The following TPD52 variants were observed in gnomAD, a reference collection of about 807,000 sequenced individuals.
TPD52 encodes the protein tumor protein D52.
Under a neutral mutation model 31.3 loss-of-function variants are expected in TPD52, and 17 were observed. That is an observed-to-expected ratio of 0.54 (90% CI 0.37 to 0.82). TPD52 has a LOEUF of 0.82. TPD52 is among the 40% of genes least tolerant of loss of function. The probability of loss-of-function intolerance (pLI) is 0.00; values close to 1 mark genes in which losing one functional copy is unlikely to be tolerated. For synonymous variants in TPD52, 83 were observed against 89.6 expected, an observed-to-expected ratio of 0.93 and a Z score of 0.42; for missense variants, 212 against 240.1, an observed-to-expected ratio of 0.88 and a Z score of 0.77.
chr8:80,057,693 G>A (rs1193403607), intron 2 of TPD52, among the ~76,000 whole-genome samples: 1 of 152,148 alleles, frequency 6.6e-6, no homozygotes, highest in Non-Finnish European at 1.5e-5. Context: ...TTGGGGGAAA[G>A]AGCTGAAAAA....
At chr8:80,115,665 G>A (rs941900980) in intron 1 of TPD52, among the ~76,000 whole-genome samples, 2 of 152,152 alleles carry the variant, frequency 1.3e-5, no homozygotes, top group Non-Finnish European at 2.9e-5. Flanking sequence ...AAACTTAACT[G>A]TGTGGCTAGT....
chr8:80,089,004 C>G (rs1326138514), intron 1 of TPD52, among the ~76,000 whole-genome samples: 1 of 152,160 alleles, frequency 6.6e-6, no homozygotes, highest in Admixed American at 6.5e-5. Context: ...AGCTCTCTGT[C>G]AACCAGGAAG....
In TPD52 at chr8:80,063,393, G is replaced by A. The variant is rs80052378; in HGVS notation, c.135+1085C>T. Among the ~76,000 whole-genome samples the A allele has an allele frequency of 3.9e-4, 60 of 152,352 alleles. No individual in the cohort carries two copies. In the East Asian group the frequency reaches 0.011, roughly 27 times the overall value. ...AAATTAGGTATTGCCAGGGGCTGAA[G>A]GAGGGGAGTAGTCAGGATTGAATGC... On this transcript the variant is annotated intron_variant, in intron 2 of 7. Transcript: ENST00000518937.
chr8:80,042,120 T>G (rs566109434), intron 7 of TPD52: 1 of 924,462 alleles, frequency 1.1e-6, no homozygotes, highest in South Asian at 5.0e-5. Flanking sequence ...CAAGCAGCCA[T>G]TGCACATAAT....
At chr8:80,116,088 C>A (rs372576727) in intron 1 of TPD52, among the ~76,000 whole-genome samples, 7 of 152,160 alleles carry the variant, frequency 4.6e-5, no homozygotes, top group African/African-American at 1.4e-4. Flanking sequence ...ATCCCTTTGA[C>A]CTAACAAATC....
At chr8:80,124,251 G>A (rs1808454097) in intron 1 of TPD52, among the ~76,000 whole-genome samples, 1 of 151,306 alleles carries the variant, frequency 6.6e-6, no homozygotes, top group Non-Finnish European at 1.5e-5. Context: ...CTGCAATCTC[G>A]ACCTCCCGGG....
At chr8:80,170,113 G>A (rs543211932) in intron 1 of TPD52, among the ~76,000 whole-genome samples, 1 of 152,252 alleles carries the variant, frequency 6.6e-6, no homozygotes, top group Admixed American at 6.5e-5. Flanking sequence ...TATCTTACAA[G>A]TAAATGAAAG....
At chr8:80,053,729 A>G (rs2130557767) in intron 2 of TPD52, among the ~76,000 whole-genome samples, 1 of 152,088 alleles carries the variant, frequency 6.6e-6, no homozygotes, top group South Asian at 2.1e-4. Context: ...TAGGACTCAA[A>G]TTTCTACACA....
At chr8:80,164,812 G>A (rs535584536) in intron 1 of TPD52, among the ~76,000 whole-genome samples, 17 of 150,020 alleles carry the variant, frequency 1.1e-4, no homozygotes, top group African/African-American at 3.0e-4. Context: ...GAGCCTGGGA[G>A]GCAGAGGTTG....
chr8:80,163,506 A>C (rs1811497771), intron 1 of TPD52, among the ~76,000 whole-genome samples: 2 of 152,230 alleles, frequency 1.3e-5, no homozygotes, highest in Non-Finnish European at 2.9e-5. Flanking sequence ...ATGAGTACAG[A>C]GTTTTCATTT....
chr8:80,100,656 T>C (rs1387821856), intron 1 of TPD52, among the ~76,000 whole-genome samples: 1 of 152,228 alleles, frequency 6.6e-6, no homozygotes, highest in African/African-American at 2.4e-5. Context: ...TTATGGAGGC[T>C]AAGTAAGAGG....
intron 1 of TPD52, among the ~76,000 whole-genome samples, chr8:80,114,869 C>T (rs747147353): frequency 2.6e-5 from 4 of 152,182 alleles, no homozygotes; most frequent in Non-Finnish European, 5.9e-5. Flanking sequence ...TGACAGGCTC[C>T]ACTCCTAAGG....
At chr8:80,156,755 G>C (rs1810998962) in intron 1 of TPD52, among the ~76,000 whole-genome samples, 1 of 152,188 alleles carries the variant, frequency 6.6e-6, no homozygotes, top group African/African-American at 2.4e-5. Context: ...TTCCAAGGCT[G>C]TGGGGATGCC....
chr8:80,136,179 T>TAAAAAAAAAAACA lies in TPD52; in HGVS notation c.19+35245_19+35246insTGTTTTTTTTTTT, dbSNP rs796723826. 1.4e-3 allele frequency among the ~76,000 whole-genome samples: 169 copies of TAAAAAAAAAAACA among 121,544 alleles called. 6 individuals are homozygous for TAAAAAAAAAAACA. The Middle Eastern group carries it at 0.028, about 20-fold the overall frequency. The allele number at this position is 121,544 out of a possible 152,430, so 79.7% of individuals were successfully genotyped here. A position where few individuals can be genotyped will look rare whatever the true frequency, so the allele number is the denominator to read the frequency against. On this transcript the variant is annotated intron_variant, in intron 1 of 7. Coordinates refer to ENST00000518937, the MANE Select transcript of TPD52 (RefSeq NM_001025253.3). ...AAAAAAAAAATTTCAGTCTTTGAGG[T>TAAAAAAAAAAACA]TAAAAAAAAAACAAGCACACTCACA...
At chr8:80,051,417 A>T in intron 4 of TPD52, 110 bp downstream of exon 4, 1 of 1,005,874 alleles carries the variant, frequency 9.9e-7, no homozygotes, top group Non-Finnish European at 1.5e-6. Flanking sequence ...CCCTCACTCT[A>T]ACAGGAGTAG....
In TPD52 at chr8:80,094,428, TTTTATATATATATATATATA is replaced by T. The variant is rs1385678962; in HGVS notation, c.20-29855_20-29836del. On this transcript the variant is annotated intron_variant, in intron 1 of 7. Transcript: ENST00000518937. ...TGACTAAGTTCTAGACAAAAGAAAA[TTTTATATATATATATATATA>T]TATATATATATATATATATATATAT... 4.6e-3 allele frequency among the ~76,000 whole-genome samples: 320 copies of T among 69,124 alleles called. 3 individuals carry two copies. Among genetic ancestry groups the T allele is most frequent in the African/African-American group, 0.012 (288 of 23,440 alleles). 45.3% of individuals were successfully genotyped at this position (69,124 alleles called of 152,430 possible). A position where few individuals can be genotyped will look rare whatever the true frequency, so the allele number is the denominator to read the frequency against.
At chr8:80,049,287 G>A (rs965401938) in intron 5 of TPD52, among the ~76,000 whole-genome samples, 4 of 152,138 alleles carry the variant, frequency 2.6e-5, no homozygotes, top group African/African-American at 7.2e-5. Context: ...TTATGCCCAT[G>A]GAACCTGTCC....
At chr8:80,168,469 T>C (rs1387111118) in intron 1 of TPD52, among the ~76,000 whole-genome samples, 5 of 152,222 alleles carry the variant, frequency 3.3e-5, no homozygotes, top group Non-Finnish European at 7.3e-5. Flanking sequence ...TATTAAAAGT[T>C]CAACAAATCC....
At chr8:80,163,578 C>A (rs1308387670) in intron 1 of TPD52, among the ~76,000 whole-genome samples, 1 of 152,124 alleles carries the variant, frequency 6.6e-6, no homozygotes, top group Admixed American at 6.5e-5. Context: ...CACTATCGTA[C>A]TGTACATTTA....
Sources: allele counts gnomAD v4.1 joint callset (sites outside exome capture counted in the v4.1 genomes callset), GRCh38; gene constraint gnomAD v4.1.1; transcripts MANE v1.5; gene names NCBI Gene and HGNC (gene_info 2026-07-23, HGNC 2026-07-21).